GDI2: variants seen among roughly 807,000 people sequenced by gnomAD.
GDI2 encodes rab GDP dissociation inhibitor beta.
Under a neutral mutation model 54.2 loss-of-function variants are expected in GDI2, and 22 were observed. The ratio of observed to expected loss-of-function variants is 0.41; its 90% CI spans 0.29 to 0.58. The LOEUF (loss-of-function observed/expected upper bound fraction) is 0.58. Ranked by LOEUF, GDI2 falls within the 20% of genes least tolerant of loss-of-function variation. The probability of loss-of-function intolerance (pLI) is 0.35; values close to 1 mark genes in which losing one functional copy is unlikely to be tolerated. For synonymous variants in GDI2, 177 were observed against 182.1 expected (o/e 0.97, Z 0.23); for missense variants, 422 against 546.0 (o/e 0.77, Z 2.26).
At chr10:5,771,161 G>T (rs1271859077) in intron 7 of GDI2, among the ~76,000 whole-genome samples, 3 of 152,020 alleles carry the variant, frequency 2.0e-5, no homozygotes, top group Non-Finnish European at 4.4e-5. Context: ...TAAACTGTCG[G>T]TAACTACTGA....
chr10:5,792,729 T>C (rs1430770809), intron 4 of GDI2, among the ~76,000 whole-genome samples: 2 of 150,352 alleles, frequency 1.3e-5, no homozygotes, highest in African/African-American at 4.9e-5. Flanking sequence ...CAGAAAATGA[T>C]TACCTAACAG....
intron 3 of GDI2, among the ~76,000 whole-genome samples, chr10:5,796,137 G>T (rs1841142377): frequency 6.6e-6 from 1 of 152,030 alleles, no homozygotes; most frequent in Non-Finnish European, 1.5e-5. Context: ...GTCACTTGAT[G>T]TCAGGAGTTC....
At chr10:5,791,510 G>A (rs2131704703) in intron 4 of GDI2, among the ~76,000 whole-genome samples, 1 of 152,252 alleles carries the variant, frequency 6.6e-6, no homozygotes, top group Middle Eastern at 3.4e-3. Flanking sequence ...GTCTTTGGGA[G>A]GCCAAGGCGG....
chr10:5,779,490 T>G (rs1840703015), intron 6 of GDI2, among the ~76,000 whole-genome samples: 1 of 147,876 alleles, frequency 6.8e-6, no homozygotes, highest in Non-Finnish European at 1.5e-5. Flanking sequence ...CCTGGGTGAC[T>G]CCGTCTCGAA....
chr10:5,778,468 T>C (rs933223015), intron 6 of GDI2, among the ~76,000 whole-genome samples: 3 of 152,250 alleles, frequency 2.0e-5, no homozygotes, highest in Admixed American at 2.0e-4. Context: ...GAGACACACC[T>C]TTCTAGATGA....
chr10:5,772,478 C>T (rs1449431140), intron 7 of GDI2, among the ~76,000 whole-genome samples: 1 of 152,078 alleles, frequency 6.6e-6, no homozygotes, highest in Non-Finnish European at 1.5e-5. Context: ...TCTAGAAGGC[C>T]AGGCACAGTG....
At chr10:5,804,854 ACAGAGTTTCTCTCTTGTTGCC>A (rs1841343594) in intron 1 of GDI2, among the ~76,000 whole-genome samples, 1 of 151,290 alleles carries the variant, frequency 6.6e-6, no homozygotes, top group Admixed American at 6.6e-5. Context: ...TTTATTAAAG[ACAGAGTTTCTCTCTTGTTGCC>A]CAGGCTGGAG....
Position 5,765,353 on chromosome 10 carries a change from C to G in GDI2, c.*653G>C, listed in dbSNP as rs559848003. The G allele has an allele frequency of 6.5e-6, 1 of 152,828 alleles. No individual in the cohort carries two copies. The highest frequency in any genetic ancestry group is 6.5e-5 in the Admixed American group (1 of 15,304). 9.5% of individuals were successfully genotyped at this position (152,828 alleles called of 1,614,324 possible). A position where few individuals can be genotyped will look rare whatever the true frequency, so the allele number is the denominator to read the frequency against. On this transcript the variant is annotated 3_prime_UTR_variant, in exon 11 of 11. Coordinates refer to ENST00000380191, the MANE Select transcript of GDI2 (RefSeq NM_001494.4). ...CACTGAAGAAGCCACGCCTGAGATACAAAAGATGCACTACACTTGACCCGC... is the reference window on the plus strand; with the variant it reads ...CACTGAAGAAGCCACGCCTGAGATAGAAAAGATGCACTACACTTGACCCGC...
At chr10:5,788,429 T>C (rs1840925120) in intron 4 of GDI2, among the ~76,000 whole-genome samples, 1 of 152,218 alleles carries the variant, frequency 6.6e-6, no homozygotes. Flanking sequence ...CACCATGGGA[T>C]ATGCCTTTCT....
Position 5,788,183 on chromosome 10 carries a change from C to CTA in GDI2, c.389-2135_389-2134dup, listed in dbSNP as rs1311879923. 2.7e-5 allele frequency among the ~76,000 whole-genome samples: 4 copies of CTA among 149,092 alleles called. No homozygotes were observed. In the East Asian group the frequency reaches 7.9e-4, roughly 29 times the overall value. Reference sequence around the variant, plus strand: ...AAAGTTCAAATCAATAACGTGTTTCCTACTGTGTTTTTTTTTTTTCCATAG... The same window carrying CTA: ...AAAGTTCAAATCAATAACGTGTTTCCTATACTGTGTTTTTTTTTTTTCCATAG... On this transcript the variant is annotated intron_variant, in intron 4 of 10. Coordinates refer to ENST00000380191, the MANE Select transcript of GDI2 (RefSeq NM_001494.4).
chr10:5,807,827 ACACCCAAATATATTAGACAAAG>A (rs1680955102), intron 1 of GDI2, among the ~76,000 whole-genome samples: 1 of 152,312 alleles, frequency 6.6e-6, no homozygotes, highest in African/African-American at 2.4e-5. Flanking sequence ...CATTTGGACA[ACACCCAAATATATTAGACAAAG>A]CACCTGAAGA....
At chr10:5,785,522 G>A (rs562882647) in intron 5 of GDI2, among the ~76,000 whole-genome samples, 4 of 152,082 alleles carry the variant, frequency 2.6e-5, no homozygotes, top group East Asian at 1.9e-4. Context: ...TTACAGGGAC[G>A]CACCACTACC....
rs371860703 is a variant in GDI2, at chr10:5,765,936, T to C, written c.*70A>G. The C allele has an allele frequency of 4.0e-5, 45 of 1,135,736 alleles. No homozygotes were observed. In the African/African-American group the frequency reaches 4.7e-4, roughly 12 times the overall value. 70.4% of individuals were successfully genotyped at this position (1,135,736 alleles called of 1,614,324 possible). Reference sequence around the variant, plus strand: ...CATTACAAAAGCAGGCCTTACAATATTGATTTCATTATATGCATTATTTGC... The same window carrying C: ...CATTACAAAAGCAGGCCTTACAATACTGATTTCATTATATGCATTATTTGC... On this transcript the variant is annotated 3_prime_UTR_variant, in exon 11 of 11. Transcript: ENST00000380191.
At position 5,765,610 on chromosome 10, in the gene GDI2, A is replaced by C. The variant is rs1377699481; in HGVS notation, c.*396T>G. 1 of 158,124 alleles carries C rather than the reference A, an allele frequency of 6.3e-6. No individual in the cohort carries two copies. The highest frequency in any genetic ancestry group is 6.5e-5 in the Admixed American group (1 of 15,402). 9.8% of individuals were successfully genotyped at this position (158,124 alleles called of 1,614,324 possible). Reference sequence around the variant, plus strand: ...TGCTGTCCCAAACCGTGGAATATTCAATTTAGAATCTCCTGAACCTCAAGA... The same window carrying C: ...TGCTGTCCCAAACCGTGGAATATTCCATTTAGAATCTCCTGAACCTCAAGA... On this transcript the variant is annotated 3_prime_UTR_variant, in exon 11 of 11. Transcript: ENST00000380191.
chr10:5,772,154 G>A (rs1388678391), intron 7 of GDI2, among the ~76,000 whole-genome samples: 2 of 152,144 alleles, frequency 1.3e-5, no homozygotes, highest in Admixed American at 1.3e-4. Flanking sequence ...TACTGTCCCT[G>A]ATGAAGATCT....
chr10:5,802,436 T>G (rs2131716951), intron 1 of GDI2, among the ~76,000 whole-genome samples: 1 of 152,012 alleles, frequency 6.6e-6, no homozygotes, highest in South Asian at 2.1e-4. Context: ...CCATCTCTAC[T>G]AAAAATACAA....
intron 6 of GDI2, among the ~76,000 whole-genome samples, chr10:5,775,526 AGAG>A (rs889642729): frequency 2.0e-5 from 3 of 152,224 alleles, no homozygotes; most frequent in African/African-American, 7.2e-5. Flanking sequence ...TGGGGCGGCC[AGAG>A]GAGATGAAAA....
chr10:5,786,700 T>C (rs1423449012), intron 4 of GDI2, among the ~76,000 whole-genome samples: 1 of 150,730 alleles, frequency 6.6e-6, no homozygotes, highest in Non-Finnish European at 1.5e-5. Flanking sequence ...ATCTGAAGAG[T>C]CTCCCTTTGA....
rs538345140 is a variant in GDI2 at position 5,771,302 on chromosome 10, G to A, written c.819+2540C>T. On this transcript the variant is annotated intron_variant, in intron 7 of 10. Transcript: ENST00000380191. The stretch of plus-strand genomic sequence containing the variant: ...ATAAGTTTTAGAATTGGGCAGATCA[G>A]GGTTCAAATCCTGGCTCTACCTAAC... 2.0e-5 allele frequency among the ~76,000 whole-genome samples: 3 copies of A among 152,308 alleles called. No individual in the cohort carries two copies. In the East Asian group the frequency reaches 5.8e-4, roughly 29 times the overall value.
Sources: gnomAD v4.1 joint callset for allele counts (sites outside exome capture counted in the v4.1 genomes callset) on GRCh38, gnomAD v4.1.1 for gene constraint, MANE v1.5 for transcripts, NCBI Gene and HGNC (gene_info 2026-07-23, HGNC 2026-07-21) for gene names.